Variants in GPC3 observed in about 807,000 individuals in gnomAD.
GPC3 encodes glypican-3.
GPC3 carries 3 observed loss-of-function variants against 34.4 expected under a neutral mutation model. That is an observed-to-expected ratio of 0.09 (90% CI 0.04 to 0.23). GPC3 has a LOEUF of 0.23. Ranked by LOEUF, GPC3 falls within the 10% of genes least tolerant of loss-of-function variation. The probability of loss-of-function intolerance (pLI) is 1.00; values close to 1 mark genes in which losing one functional copy is unlikely to be tolerated. For synonymous variants in GPC3, 177 were observed against 174.0 expected (o/e 1.02, Z -0.13); for missense variants, 351 against 445.6 (o/e 0.79, Z 1.91).
chrX:133,638,277 T>C (rs1019199700), intron 6 of GPC3, among the ~76,000 whole-genome samples: 4 of 112,022 alleles, frequency 3.6e-5, no homozygotes, highest in African/African-American at 1.3e-4. Context: ...TTACCTGGAA[T>C]TTATGACCAG....
At chrX:133,940,323 T>G (rs1321725871) in intron 2 of GPC3, among the ~76,000 whole-genome samples, 1 of 111,791 alleles carries the variant, frequency 8.9e-6, no homozygotes, top group African/African-American at 3.2e-5. Flanking sequence ...CAATAAGTTT[T>G]AAAGCTTATT....
intron 2 of GPC3, among the ~76,000 whole-genome samples, chrX:133,939,637 G>A (rs1436030587): frequency 8.9e-6 from 1 of 111,898 alleles, no homozygotes; most frequent in Non-Finnish European, 1.9e-5. Flanking sequence ...TAACTCAGGA[G>A]ACCAAAGGAG....
intron 7 of GPC3, among the ~76,000 whole-genome samples, chrX:133,560,148 C>A (rs1460597365): frequency 9.0e-6 from 1 of 111,574 alleles, no homozygotes; most frequent in Non-Finnish European, 1.9e-5. Flanking sequence ...ACCGCCTCAC[C>A]CATATTCTGT....
At chrX:133,624,000 A>G (rs1349706794) in intron 6 of GPC3, among the ~76,000 whole-genome samples, 1 of 112,165 alleles carries the variant, frequency 8.9e-6, no homozygotes, top group Non-Finnish European at 1.9e-5. Context: ...GAGGATTAAG[A>G]GACTCACTCA....
intron 2 of GPC3, among the ~76,000 whole-genome samples, chrX:133,787,887 C>T (rs1213188656): frequency 9.2e-6 from 1 of 108,527 alleles, no homozygotes; most frequent in Non-Finnish European, 1.9e-5. Context: ...ATCAACAGAA[C>T]TTGGAATGAA....
At chrX:133,899,793 A>G in intron 2 of GPC3, among the ~76,000 whole-genome samples, 1 of 111,172 alleles carries the variant, frequency 9.0e-6, no homozygotes. Context: ...TTTTCATTTA[A>G]TTAATTAATT....
At chrX:133,666,033 G>A (rs943496921) in intron 5 of GPC3, among the ~76,000 whole-genome samples, 3 of 111,386 alleles carry the variant, frequency 2.7e-5, no homozygotes, top group Non-Finnish European at 5.6e-5. Flanking sequence ...TATCCTCATT[G>A]GAATAGTGTA....
chrX:133,900,095 G>A (rs1418441466), intron 2 of GPC3, among the ~76,000 whole-genome samples: 3 of 111,956 alleles, frequency 2.7e-5, no homozygotes, highest in South Asian at 3.7e-4. Context: ...GAGCCACCGC[G>A]CCCGGCCGGT....
chrX:133,794,734 T>C (rs1311749976), intron 2 of GPC3, among the ~76,000 whole-genome samples: 2 of 112,108 alleles, frequency 1.8e-5, no homozygotes, highest in Non-Finnish European at 3.8e-5. Context: ...TTCCTTATGG[T>C]AACAGGTTGG....
In GPC3 at chrX:133,655,504, ACC is replaced by A. The variant is rs59127244; in HGVS notation, c.1413+6224_1413+6225del. 2.4e-3 allele frequency among the ~76,000 whole-genome samples: 257 copies of A among 104,981 alleles called. 1 individual carries two copies. Among genetic ancestry groups the A allele is most frequent in the African/African-American group, 8.8e-3 (239 of 27,164 alleles). The allele number at this position is 104,981 out of a possible 115,157, so 91.2% of individuals were successfully genotyped here. ...CACACACACACACACACACACACAC[ACC>A]CACACACACACACACACACACATTC... is the stretch of plus-strand genomic sequence containing the variant. On this transcript the variant is annotated intron_variant, in intron 6 of 7. Transcript: ENST00000370818.
chrX:133,586,976 C>T (rs1480116422), intron 7 of GPC3, among the ~76,000 whole-genome samples: 1 of 111,373 alleles, frequency 9.0e-6, no homozygotes, highest in Non-Finnish European at 1.9e-5. Context: ...ATTCAATATC[C>T]TCCTTCTGGC....
intron 2 of GPC3, among the ~76,000 whole-genome samples, chrX:133,814,009 C>T (rs1243352368): frequency 8.9e-6 from 1 of 111,748 alleles, no homozygotes; most frequent in Non-Finnish European, 1.9e-5. Context: ...CCTAATATGC[C>T]CTTGTGTTAA....
At chrX:133,591,466 A>AG (rs1215473353) in intron 7 of GPC3, among the ~76,000 whole-genome samples, 1 of 111,650 alleles carries the variant, frequency 9.0e-6, no homozygotes, top group Non-Finnish European at 1.9e-5. Context: ...GCATTTTTAA[A>AG]GGGGGGCCCA....
intron 2 of GPC3, among the ~76,000 whole-genome samples, chrX:133,802,912 T>A (rs1603250510): frequency 1.9e-5 from 2 of 102,787 alleles, no homozygotes; most frequent in East Asian, 6.4e-4. Context: ...GTGGAAGGTA[T>A]TCTTTTTTTT....
At chrX:133,732,494 A>C (rs1197356456) in intron 3 of GPC3, among the ~76,000 whole-genome samples, 1 of 111,634 alleles carries the variant, frequency 9.0e-6, no homozygotes, top group Non-Finnish European at 1.9e-5. Flanking sequence ...ATTGGATGGG[A>C]AAGTAAATGA....
intron 2 of GPC3, among the ~76,000 whole-genome samples, chrX:133,902,234 C>T (rs1254844857): frequency 8.9e-6 from 1 of 112,464 alleles, no homozygotes; most frequent in Non-Finnish European, 1.9e-5. Flanking sequence ...TAAAGAAGGA[C>T]ACTTTAAGAC....
intron 1 of GPC3, among the ~76,000 whole-genome samples, chrX:133,977,349 A>C (rs753278500): frequency 1.4e-4 from 16 of 112,574 alleles, no homozygotes; most frequent in African/African-American, 4.5e-4. Flanking sequence ...GTACAGATAA[A>C]GTATTTCTCT....
rs753432691 is a variant in GPC3 at position 133,596,615 on chromosome X, C to T, written c.1414-16G>A. The T allele has an allele frequency of 1.7e-6, 2 of 1,203,904 alleles. No homozygotes were observed. The highest frequency in any genetic ancestry group is 2.3e-6 in the Non-Finnish European group (2 of 888,414). ...TTCTCAGGAGCTGAAAGAAAACAAC[C>T]AGGAATGCATCAGCTCTTCATATTT... On this transcript the variant is annotated splice_polypyrimidine_tract_variant and intron_variant, in intron 6 of 7. Coordinates refer to ENST00000370818, the MANE Select transcript of GPC3 (RefSeq NM_004484.4).
chrX:133,979,648 T>A (rs760899679), intron 1 of GPC3, among the ~76,000 whole-genome samples: 2 of 111,772 alleles, frequency 1.8e-5, no homozygotes, highest in Admixed American at 9.5e-5. Context: ...TTCACCTTGA[T>A]TTTTGAACAG....
Sources: gnomAD v4.1 joint callset for allele counts (sites outside exome capture counted in the v4.1 genomes callset) on GRCh38, gnomAD v4.1.1 for gene constraint, MANE v1.5 for transcripts, NCBI Gene and HGNC (gene_info 2026-07-23, HGNC 2026-07-21) for gene names.